The following COL18A1 variants were observed in gnomAD, a reference collection of about 807,000 sequenced individuals.
COL18A1 encodes collagen type XVIII alpha 1 chain, also known as collagen alpha-1(XVIII) chain.
Under a neutral mutation model 168.0 loss-of-function variants are expected in COL18A1, and 133 were observed. The ratio of observed to expected loss-of-function variants is 0.79; its 90% confidence interval spans 0.69 to 0.91. The LOEUF is 0.91. COL18A1 is among the 40% of genes least tolerant of loss of function. COL18A1 has a pLI of 0.00. For synonymous variants in COL18A1, 949 were observed against 809.0 expected (o/e 1.17, Z -2.94); for missense variants, 2,126 against 1,925.4 (o/e 1.10, Z -1.95).
chr21:45,453,382 CAT>C (rs202088129), intron 2 of COL18A1, among the ~76,000 whole-genome samples: 1,583 of 152,288 alleles, frequency 0.01, 23 homozygotes, highest in African/African-American at 0.036. Flanking sequence ...AGTGAGCATA[CAT>C]ATATGTGTGC....
intron 2 of COL18A1, among the ~76,000 whole-genome samples, chr21:45,419,158 C>T (rs538433421): frequency 6.6e-6 from 1 of 152,208 alleles, no homozygotes; most frequent in South Asian, 2.1e-4. Context: ...TGTGTAGTGA[C>T]ATGCAATTCC....
intron 33 of COL18A1, 52 bp from the exon 34 acceptor site, chr21:45,504,364 T>G (rs2037052695): frequency 4.4e-6 from 7 of 1,580,524 alleles, no homozygotes; most frequent in Non-Finnish European, 6.0e-6. Flanking sequence ...GGAGGCCACC[T>G]GTGGCTTGTA....
chr21:45,416,566 A>G (rs778119006), intron 2 of COL18A1, among the ~76,000 whole-genome samples: 8 of 151,922 alleles, frequency 5.3e-5, no homozygotes, highest in Non-Finnish European at 1.2e-4. Flanking sequence ...GTCACCCAGC[A>G]TCTCTTAGAT....
chr21:45,430,337 C>G (rs559211783), intron 2 of COL18A1, among the ~76,000 whole-genome samples: 5 of 152,298 alleles, frequency 3.3e-5, no homozygotes, highest in Non-Finnish European at 7.3e-5. Flanking sequence ...CTGAATAGGT[C>G]GAAGCACCTC....
intron 3 of COL18A1, 110 bp downstream of exon 3, chr21:45,468,896 C>T: frequency 2.5e-6 from 3 of 1,189,346 alleles, no homozygotes; most frequent in Non-Finnish European, 3.5e-6. Context: ...AGAGCCCCCA[C>T]CCCAGCTGTG....
At chr21:45,411,958 C>A (rs1470081708) in intron 2 of COL18A1, among the ~76,000 whole-genome samples, 2 of 152,152 alleles carry the variant, frequency 1.3e-5, no homozygotes, top group Non-Finnish European at 2.9e-5. Flanking sequence ...CATTGCCATG[C>A]GGGCAAACAT....
At chr21:45,495,627 T>G in intron 29 of COL18A1, 195 bp downstream of exon 29, 1 of 597,444 alleles carries the variant, frequency 1.7e-6, no homozygotes, top group Non-Finnish European at 3.1e-6. Flanking sequence ...TGCCCAAACA[T>G]GCATGCACAT....
At chr21:45,474,939 C>A (rs868776401) in intron 4 of COL18A1, among the ~76,000 whole-genome samples, 1 of 152,222 alleles carries the variant, frequency 6.6e-6, no homozygotes, top group South Asian at 2.1e-4. Flanking sequence ...GACAAGGCTG[C>A]GCCCTGGGAC....
intron 8 of COL18A1, 81 bp from the exon 9 acceptor site, chr21:45,478,246 G>A: frequency 6.3e-7 from 1 of 1,577,716 alleles, no homozygotes; most frequent in South Asian, 1.1e-5. Flanking sequence ...CTTGGAGCGT[G>A]GGGTGCATTT....
chr21:45,496,322 C>A, intron 29 of COL18A1, 178 bp from the exon 30 acceptor site: 1 of 716,632 alleles, frequency 1.4e-6, no homozygotes, highest in Non-Finnish European at 2.6e-6. Flanking sequence ...GGGGCCGGGG[C>A]CAGTTCCTGT....
chr21:45,506,285 C>T (rs189132273), intron 37 of COL18A1: 231 of 383,308 alleles, frequency 6.0e-4, no homozygotes, highest in Admixed American at 2.9e-3. Context: ...AGGCGCCTGA[C>T]GGGACGAGGC....
rs1344415134 is a variant in COL18A1 at position 45,498,068 on chromosome 21, G to A, written c.2683+407G>A. ...TTCATGTGGGAAGGAGGCGTTGCCC[G>A]ACAGGCCGTCTGGAGGGTGAGCCCA... On this transcript the variant is annotated intron_variant, in intron 32 of 41. Transcript: ENST00000651438. The surrounding 1 kb of genome is among the most constrained non-coding windows in gnomAD (Gnocchi z 4.5). The A allele has an allele frequency of 3.8e-5, 23 of 607,200 alleles. No individual in the cohort carries two copies. Among genetic ancestry groups the A allele is most frequent in the South Asian group, 2.6e-4 (13 of 50,528 alleles). 37.6% of individuals were successfully genotyped at this position (607,200 alleles called of 1,614,324 possible).
At chr21:45,416,124 C>T (rs1274899146) in intron 2 of COL18A1, among the ~76,000 whole-genome samples, 6 of 152,194 alleles carry the variant, frequency 3.9e-5, no homozygotes, top group African/African-American at 7.2e-5. Context: ...CTGTGGGGCC[C>T]GTGAAACCTG....
chr21:45,489,427 G>A (rs772424248), intron 18 of COL18A1, 59 bp from the exon 19 acceptor site: 47 of 1,314,654 alleles, frequency 3.6e-5, no homozygotes, highest in East Asian at 2.2e-4. Context: ...CGGGGTGGAC[G>A]CTGCCTGAGG....
intron 2 of COL18A1, among the ~76,000 whole-genome samples, chr21:45,464,265 G>A (rs562038508): frequency 2.6e-5 from 4 of 152,296 alleles, no homozygotes; most frequent in African/African-American, 9.6e-5. Flanking sequence ...CCCAGGATGG[G>A]ATTTTGGGGA....
At chr21:45,466,178 C>A (rs2035202632) in intron 2 of COL18A1, among the ~76,000 whole-genome samples, 1 of 152,128 alleles carries the variant, frequency 6.6e-6, no homozygotes, top group Admixed American at 6.5e-5. Flanking sequence ...AGATAAGGGA[C>A]CCAAGGGGAG....
intron 38 of COL18A1, among the ~76,000 whole-genome samples, chr21:45,509,105 T>TG (rs1264015946): frequency 1.3e-5 from 2 of 152,064 alleles, no homozygotes; most frequent in African/African-American, 2.4e-5. Flanking sequence ...GAGTGATTGC[T>TG]GCGGCTTCTG....
chr21:45,506,058 A>G (rs1602622815), intron 37 of COL18A1, 92 bp downstream of exon 37: 3 of 1,589,766 alleles, frequency 1.9e-6, no homozygotes, highest in Middle Eastern at 1.9e-4. Context: ...GGCCCCGGAC[A>G]GGGATGGGAG....
In COL18A1 at chr21:45,480,787, G is replaced by C; in HGVS notation, c.1540G>C (p.Asp514His). The change falls in exon 13 of 42, where the codon GAC (aspartate) becomes CAC (histidine). Residue 514 changes from aspartate to histidine, a missense_variant. Physicochemically the swap from Asp to His is moderately conservative, Grantham distance 81. Transcript: ENST00000651438. ...AGGCCGCTTTGGGGTGAACAGCTCC[G>C]ACGTCCCAGGACCCGCCGGCCTTCC... ...EPGRFGVNSS[D>H]VPGPAGLPGV... 6.2e-7 allele frequency: 1 copy of C among 1,611,354 alleles called. No homozygotes were observed. The highest frequency in any genetic ancestry group is 2.2e-5 in the East Asian group (1 of 44,862).
Sources: allele counts gnomAD v4.1 joint callset (sites outside exome capture counted in the v4.1 genomes callset), GRCh38; gene constraint gnomAD v4.1.1; non-coding constraint Gnocchi (gnomAD v3.1); transcripts MANE v1.5; gene names NCBI Gene and HGNC (gene_info 2026-07-23, HGNC 2026-07-21).